Variants in ADAMTS15 observed in about 807,000 individuals in gnomAD.
ADAMTS15 encodes A disintegrin and metalloproteinase with thrombospondin motifs 15.
ADAMTS15 carries 35 observed loss-of-function variants against 79.1 expected under a neutral mutation model. The ratio of observed to expected loss-of-function variants is 0.44; its 90% CI spans 0.34 to 0.59. The LOEUF is 0.59. ADAMTS15 is among the 20% of genes least tolerant of loss of function. The pLI is 0.02. For missense variants in ADAMTS15, 1,324 were observed against 1,318.7 expected, an observed-to-expected ratio of 1.00 and a Z score of -0.06; for synonymous variants, 616 against 567.3, an observed-to-expected ratio of 1.09 and a Z score of -1.22.
At position 130,462,531 on chromosome 11, in the gene ADAMTS15, C is replaced by G; in HGVS notation, c.1293C>G (p.Ile431Met). 4 of 1,606,354 alleles carry G rather than the reference C, an allele frequency of 2.5e-6. No homozygotes were observed. The highest frequency in any genetic ancestry group is 2.6e-6 in the Non-Finnish European group (3 of 1,174,572). Residue 431 changes from isoleucine (I) to methionine (M), a missense_variant, in exon 4 of 8, where the codon ATC becomes ATG. By Grantham distance (10) the Ile-to-Met change is conservative. Coordinates refer to ENST00000299164, the MANE Select transcript of ADAMTS15 (RefSeq NM_139055.4). This position sits in a 1 kb window ranked among gnomAD's most constrained non-coding sequence, Gnocchi z 4.3. Reference sequence around the variant, plus strand: ...TCCTGGACCAACCCAGCAAGCCCATCTCCCTGCCCGAGGATCTGCCGGGCG... The same window carrying G: ...TCCTGGACCAACCCAGCAAGCCCATGTCCCTGCCCGAGGATCTGCCGGGCG... ...DCLLDQPSKP[I>M]SLPEDLPGAS...
intron 1 of ADAMTS15, 118 bp downstream of exon 1, chr11:130,450,048 C>A: frequency 1.3e-6 from 2 of 1,498,762 alleles, no homozygotes; most frequent in East Asian, 4.6e-5. Context: ...CCTCGTTGAT[C>A]TCTTCCGACT....
chr11:130,471,880 T>C (rs1938468802), intron 7 of ADAMTS15, among the ~76,000 whole-genome samples: 1 of 152,252 alleles, frequency 6.6e-6, no homozygotes. Flanking sequence ...TTGATGAGGC[T>C]GAACGTGACA....
rs996176668 is a variant in ADAMTS15 at position 130,453,496 on chromosome 11, G to A, written c.957+3566G>A. Reference sequence around the variant, plus strand: ...GATAGGGTCTCATTCTGTCACCCAGGCCATCAACTCACTGCAGCCTTTAAC... The same window carrying A: ...GATAGGGTCTCATTCTGTCACCCAGACCATCAACTCACTGCAGCCTTTAAC... On this transcript the variant is annotated intron_variant, in intron 1 of 7. Transcript: ENST00000299164. 2.0e-5 allele frequency among the ~76,000 whole-genome samples: 3 copies of A among 151,730 alleles called. No homozygotes were observed. In the South Asian group the frequency reaches 6.3e-4, roughly 32 times the overall value.
chr11:130,471,317 AGT>A lies in ADAMTS15; in HGVS notation c.2016_2017del (p.Cys672TrpfsTer8). On this transcript the variant is annotated frameshift_variant, in exon 7 of 8. Transcript: ENST00000299164. LOFTEE classifies it high-confidence loss of function. ...CTGGGCTCCAAGAAGAGATTCGACAAGTGTGGGGTGTGTGGGGGAGACAATAA... is the reference window on the plus strand; with the variant it reads ...CTGGGCTCCAAGAAGAGATTCGACAAGTGGGGTGTGTGGGGGAGACAATAA... 3.1e-6 allele frequency: 5 copies of A among 1,613,068 alleles called. No individual in the cohort carries two copies. Among genetic ancestry groups the A allele is most frequent in the Non-Finnish European group, 4.2e-6 (5 of 1,179,772 alleles).
At chr11:130,464,342 C>G (rs1469785664) in intron 4 of ADAMTS15, among the ~76,000 whole-genome samples, 2 of 152,184 alleles carry the variant, frequency 1.3e-5, no homozygotes, top group Non-Finnish European at 2.9e-5. Context: ...TAAACAATCC[C>G]TTGGCCACCT....
chr11:130,463,654 A>G (rs1283213753), intron 4 of ADAMTS15, among the ~76,000 whole-genome samples: 1 of 152,230 alleles, frequency 6.6e-6, no homozygotes, highest in Non-Finnish European at 1.5e-5. Flanking sequence ...ATGGCACAGA[A>G]TTATTTAAAA....
rs1331702243 is a variant in ADAMTS15, at chr11:130,475,515, G to A, written c.*1694G>A. 1 of 152,266 alleles carries A rather than the reference G, an allele frequency of 6.6e-6. No homozygotes were observed. The highest frequency in any genetic ancestry group is 1.5e-5 in the Non-Finnish European group (1 of 68,098). The allele number at this position is 152,266 out of a possible 1,614,324, so 9.4% of individuals were successfully genotyped here. ...AAGATCAAAGCATGTGTCTTCCTGG[G>A]AGAGAAGAGTTCCGTTCTTTTATGT... On this transcript the variant is annotated 3_prime_UTR_variant, in exon 8 of 8. Transcript: ENST00000299164.
In ADAMTS15 at chr11:130,473,299, G is replaced by T. The variant is rs1353997466; in HGVS notation, c.2331G>T (p.Glu777Asp). Residue 777 changes from glutamate (E) to aspartate (D), a missense_variant, in exon 8 of 8, where the codon GAG (glutamate) becomes GAT (aspartate). Coordinates refer to ENST00000299164, the MANE Select transcript of ADAMTS15 (RefSeq NM_139055.4). ...ESLQASRPIL[E>D]PLTVEVLSVG... ...TGCAGGCTTCCCGGCCCATCCTGGA[G>T]CCGCTGACCGTGGAGGTCCTCTCCG... 2 of 1,613,202 alleles carry T rather than the reference G, an allele frequency of 1.2e-6. No individual in the cohort carries two copies.
At chr11:130,458,115 C>T (rs545538833) in intron 1 of ADAMTS15, among the ~76,000 whole-genome samples, 71 of 152,280 alleles carry the variant, frequency 4.7e-4, no homozygotes, top group African/African-American at 1.4e-3. Context: ...GGCTTTTGGC[C>T]GTAAGGACTT....
chr11:130,465,733 A>G (rs535982741), intron 4 of ADAMTS15, among the ~76,000 whole-genome samples: 33 of 151,852 alleles, frequency 2.2e-4, no homozygotes, highest in Non-Finnish European at 4.3e-4. Flanking sequence ...CATTTCTGGC[A>G]ACCCAGAGCT....
At position 130,471,011 on chromosome 11, in the gene ADAMTS15, G is replaced by A. The variant is rs749289528; in HGVS notation, c.1812G>A (p.Val604=). 3.1e-6 allele frequency: 5 copies of A among 1,613,714 alleles called. No homozygotes were observed. The highest frequency in any genetic ancestry group is 4.2e-6 in the Non-Finnish European group (5 of 1,180,046). The change falls in exon 6 of 8, where the codon GTG becomes GTA. Residue 604 remains valine (V), a synonymous_variant. Coordinates refer to ENST00000299164, the MANE Select transcript of ADAMTS15 (RefSeq NM_139055.4). ...TNRLTLAVAW[V]PKYSGVSPRD... is the part of the protein sequence containing the mutation. ...GGCTCACTCTCGCCGTGGCATGGGT[G>A]CCCAAGTACTCCGGCGTGTCTCCCC...
chr11:130,470,190 A>ATG lies in ADAMTS15; in HGVS notation c.1721-729_1721-728insGT, dbSNP rs1938417410. Among the ~76,000 whole-genome samples, 4 of 60,020 alleles carry ATG rather than the reference A, an allele frequency of 6.7e-5. 1 individual carries two copies. The highest frequency in any genetic ancestry group is 3.7e-4 in the African/African-American group (4 of 10,786). 39.4% of individuals were successfully genotyped at this position (60,020 alleles called of 152,430 possible). A position where few individuals can be genotyped will look rare whatever the true frequency, so the allele number is the denominator to read the frequency against. Reference sequence around the variant, plus strand: ...TATATATATATATATATGTGTGTATATATATATATATATATATATGTATAT... The same window carrying ATG: ...TATATATATATATATATGTGTGTATATGTATATATATATATATATATGTATAT... On this transcript the variant is annotated intron_variant, in intron 5 of 7. Transcript: ENST00000299164.
At chr11:130,454,755 C>T (rs1336579746) in intron 1 of ADAMTS15, among the ~76,000 whole-genome samples, 1 of 152,170 alleles carries the variant, frequency 6.6e-6, no homozygotes, top group Non-Finnish European at 1.5e-5. Flanking sequence ...AGTGCTCGCT[C>T]TCTTTAGTTA....
At position 130,461,483 on chromosome 11, in the gene ADAMTS15, C is replaced by T. The variant is rs367845314; in HGVS notation, c.958-6C>T. 123 of 1,613,962 alleles carry T rather than the reference C, an allele frequency of 7.6e-5. 2 individuals are homozygous for T. In the South Asian group the frequency reaches 1.0e-3, roughly 14 times the overall value. ...GGCTGGCTTCTGCTTCTCCCCCACCCGGCAGGACCTGTGTGGAGCCACCAC... is the reference window on the plus strand; with the variant it reads ...GGCTGGCTTCTGCTTCTCCCCCACCTGGCAGGACCTGTGTGGAGCCACCAC... On this transcript the variant is annotated splice_polypyrimidine_tract_variant and splice_region_variant and intron_variant, in intron 1 of 7. Coordinates refer to ENST00000299164, the MANE Select transcript of ADAMTS15 (RefSeq NM_139055.4).
chr11:130,463,075 G>A (rs1207699112), intron 4 of ADAMTS15, among the ~76,000 whole-genome samples: 2 of 152,222 alleles, frequency 1.3e-5, no homozygotes, highest in Admixed American at 6.5e-5. Flanking sequence ...TCCGGGCCTC[G>A]TCCTACCTGG....
rs980420930 is a variant in ADAMTS15 at position 130,472,748 on chromosome 11, A to G, written c.2079-299A>G. Among the ~76,000 whole-genome samples, 1 of 143,134 alleles carries G rather than the reference A, an allele frequency of 7.0e-6. No homozygotes were observed. The highest frequency in any genetic ancestry group is 1.5e-5 in the Non-Finnish European group (1 of 66,926). 93.9% of individuals were successfully genotyped at this position (143,134 alleles called of 152,430 possible). A position where few individuals can be genotyped will look rare whatever the true frequency, so the allele number is the denominator to read the frequency against. On this transcript the variant is annotated intron_variant, in intron 7 of 7. Coordinates refer to ENST00000299164, the MANE Select transcript of ADAMTS15 (RefSeq NM_139055.4). The surrounding 1 kb of genome is among the most constrained non-coding windows in gnomAD (Gnocchi z 4.7). ...TGTCTACATATCCTTGATGTGTGCCAGGCACCACGCTACATGCTTTCTGTG... is the reference window on the plus strand; with the variant it reads ...TGTCTACATATCCTTGATGTGTGCCGGGCACCACGCTACATGCTTTCTGTG...
Position 130,473,670 on chromosome 11 carries a change from C to T in ADAMTS15, c.2702C>T (p.Ala901Val), listed in dbSNP as rs141639972. The change falls in exon 8 of 8, where the codon GCC (alanine) becomes GTC (valine). Residue 901 changes from alanine to valine, a missense_variant. Ala to Val is a moderately conservative substitution (Grantham distance 64, BLOSUM62 0). Transcript: ENST00000299164. ...CCCTGCCCCACCTGGGAGCTCAGCG[C>T]CTGGTCACCCTGCTCCAAGAGCTGC... ...GEPCPTWELS[A>V]WSPCSKSCGR... 6.2e-6 allele frequency: 10 copies of T among 1,604,806 alleles called. No individual in the cohort carries two copies. The highest frequency in any genetic ancestry group is 8.5e-6 in the Non-Finnish European group (10 of 1,179,890).
Position 130,474,169 on chromosome 11 carries a change from G to A in ADAMTS15, c.*348G>A, listed in dbSNP as rs1336733527. The A allele has an allele frequency of 8.2e-6, 2 of 243,718 alleles. No homozygotes were observed. Among genetic ancestry groups the A allele is most frequent in the Non-Finnish European group, 1.6e-5 (2 of 126,394 alleles). The allele number at this position is 243,718 out of a possible 1,614,324, so 15.1% of individuals were successfully genotyped here. On this transcript the variant is annotated 3_prime_UTR_variant, in exon 8 of 8. Coordinates refer to ENST00000299164, the MANE Select transcript of ADAMTS15 (RefSeq NM_139055.4). ...TTCAGGGACCCCGGCCCCCAGAACG[G>A]AGGCCACAGGCTGCTGGAAGAGCCA...
chr11:130,470,739 C>T (rs73571296), intron 5 of ADAMTS15, among the ~76,000 whole-genome samples, 181 bp from the exon 6 acceptor site: 108 of 152,240 alleles, frequency 7.1e-4, no homozygotes, highest in African/African-American at 2.5e-3. Context: ...GTGTTTTCAT[C>T]TGCGCCCTGG....
Sources: gnomAD v4.1 joint callset for allele counts (sites outside exome capture counted in the v4.1 genomes callset) on GRCh38, gnomAD v4.1.1 for gene constraint, Gnocchi (gnomAD v3.1) non-coding constraint, MANE v1.5 for transcripts, NCBI Gene and HGNC (gene_info 2026-07-23, HGNC 2026-07-21) for gene names.